The following COL25A1 variants were observed in gnomAD, a reference collection of about 807,000 sequenced individuals.
The protein encoded by COL25A1 is collagen alpha-1(XXV) chain.
COL25A1 carries 103 observed loss-of-function variants against 128.4 expected under a neutral mutation model. That is an observed-to-expected ratio of 0.80 (90% CI 0.68 to 0.94). The LOEUF is 0.94. COL25A1 is among the 40% of genes least tolerant of loss of function. The pLI is 0.00. For missense variants in COL25A1, 745 were observed against 840.0 expected, an observed-to-expected ratio of 0.89 and a Z score of 1.40; for synonymous variants, 279 against 277.2, an observed-to-expected ratio of 1.01 and a Z score of -0.06.
chr4:108,998,654 C>A (rs926219730), intron 6 of COL25A1, among the ~76,000 whole-genome samples: 21 of 152,248 alleles, frequency 1.4e-4, no homozygotes, highest in African/African-American at 4.8e-4. Flanking sequence ...CCTGCATAGC[C>A]AAGACAATCC....
intron 3 of COL25A1, among the ~76,000 whole-genome samples, chr4:109,063,228 G>C (rs983576947): frequency 2.6e-5 from 4 of 152,110 alleles, no homozygotes; most frequent in Non-Finnish European, 2.9e-5. Context: ...TCAATAAAAG[G>C]CTGGGTGCTC....
chr4:108,886,440 TTTTG>T (rs1478462091), intron 18 of COL25A1, among the ~76,000 whole-genome samples: 7 of 120,004 alleles, frequency 5.8e-5, no homozygotes, highest in African/African-American at 2.2e-4. Flanking sequence ...TGCTATGAGA[TTTTG>T]TGTGTGTGTG....
chr4:109,211,791 C>T (rs1251473954), intron 3 of COL25A1, among the ~76,000 whole-genome samples: 1 of 151,956 alleles, frequency 6.6e-6, no homozygotes, highest in Non-Finnish European at 1.5e-5. Flanking sequence ...CTAAGGAACC[C>T]AAAGATCCAA....
At chr4:109,069,852 A>G (rs1029187214) in intron 3 of COL25A1, among the ~76,000 whole-genome samples, 2 of 152,216 alleles carry the variant, frequency 1.3e-5, no homozygotes, top group Non-Finnish European at 2.9e-5. Flanking sequence ...TTATTCATAT[A>G]TGAAATAAGC....
intron 11 of COL25A1, among the ~76,000 whole-genome samples, chr4:108,927,336 T>C (rs1485750853): frequency 6.6e-6 from 1 of 152,186 alleles, no homozygotes; most frequent in East Asian, 1.9e-4. Context: ...ATATTTCACA[T>C]CGTCAGCACC....
intron 31 of COL25A1, chr4:108,838,231 G>T: frequency 8.0e-7 from 1 of 1,249,544 alleles, no homozygotes; most frequent in Non-Finnish European, 1.1e-6. Context: ...TGTTTAAACT[G>T]TGAGAGAAGA....
intron 3 of COL25A1, among the ~76,000 whole-genome samples, chr4:109,207,501 T>A (rs1777110480): frequency 6.6e-6 from 1 of 152,188 alleles, no homozygotes; most frequent in South Asian, 2.1e-4. Flanking sequence ...ACACTTAAGA[T>A]ATAGCTCGGG....
At chr4:109,200,211 G>A (rs1217097676) in intron 3 of COL25A1, among the ~76,000 whole-genome samples, 1 of 152,154 alleles carries the variant, frequency 6.6e-6, no homozygotes, top group Non-Finnish European at 1.5e-5. Context: ...ACAACAATCA[G>A]ATGTGCTCAA....
intron 20 of COL25A1, among the ~76,000 whole-genome samples, chr4:108,866,009 C>T (rs953386825): frequency 6.6e-6 from 1 of 152,180 alleles, no homozygotes; most frequent in African/African-American, 2.4e-5. Context: ...ACTTCTTTCC[C>T]TCCTTCCATC....
At chr4:109,249,402 C>T (rs983335173) in intron 3 of COL25A1, among the ~76,000 whole-genome samples, 1 of 143,328 alleles carries the variant, frequency 7.0e-6, no homozygotes, top group Admixed American at 6.9e-5. Context: ...GAACTACCTG[C>T]TGTCCACCTT....
chr4:109,090,098 T>A (rs4245932), intron 3 of COL25A1, among the ~76,000 whole-genome samples: 60,354 of 151,978 alleles, frequency 0.4, 14,591 homozygotes, highest in Non-Finnish European at 0.56. Flanking sequence ...AATAGAAATG[T>A]AATACATGTA....
chr4:109,143,476 C>T (rs1443438911), intron 3 of COL25A1, among the ~76,000 whole-genome samples: 1 of 152,194 alleles, frequency 6.6e-6, no homozygotes, highest in Non-Finnish European at 1.5e-5. Context: ...GGGAAGTTCT[C>T]CTGGATAATA....
At chr4:109,099,536 A>C (rs1004503914) in intron 3 of COL25A1, among the ~76,000 whole-genome samples, 1 of 152,076 alleles carries the variant, frequency 6.6e-6, no homozygotes, top group African/African-American at 2.4e-5. Flanking sequence ...AAAAAATAGA[A>C]TTATGGAACT....
At chr4:108,871,866 C>CT (rs1738757903) in intron 19 of COL25A1, among the ~76,000 whole-genome samples, 1 of 152,014 alleles carries the variant, frequency 6.6e-6, no homozygotes, top group African/African-American at 2.4e-5. Context: ...TTATTGTTCC[C>CT]TTTTTTCTCT....
At position 108,885,956 on chromosome 4, in the gene COL25A1, C is replaced by T. The variant is rs75904283; in HGVS notation, c.976-1734G>A. 2.5e-3 allele frequency among the ~76,000 whole-genome samples: 387 copies of T among 152,236 alleles called. 4 individuals are homozygous for T. The highest frequency in any genetic ancestry group is 9.0e-3 in the African/African-American group (373 of 41,556). ...CTTTAAAGAAAGATATTTATTTAAACACGCATGCATACATAGACACACACC... is the reference window on the plus strand; with the variant it reads ...CTTTAAAGAAAGATATTTATTTAAATACGCATGCATACATAGACACACACC... On this transcript the variant is annotated intron_variant, in intron 18 of 37. Coordinates refer to ENST00000399132, the MANE Select transcript of COL25A1 (RefSeq NM_198721.4).
At chr4:108,920,465 C>T in intron 12 of COL25A1, 113 bp downstream of exon 12, 1 of 666,656 alleles carries the variant, frequency 1.5e-6, no homozygotes, top group Non-Finnish European at 2.4e-6. Context: ...AATACACAAA[C>T]CAGACTAACT....
chr4:108,918,373 G>T (rs1036649790), intron 12 of COL25A1, among the ~76,000 whole-genome samples, 157 bp from the exon 13 acceptor site: 1 of 152,296 alleles, frequency 6.6e-6, no homozygotes, highest in African/African-American at 2.4e-5. Flanking sequence ...AATGTAAGCA[G>T]ATTCCTCAAG....
intron 8 of COL25A1, among the ~76,000 whole-genome samples, chr4:108,952,048 T>A (rs148685327): frequency 1.4e-4 from 22 of 152,280 alleles, no homozygotes; most frequent in African/African-American, 5.3e-4. Flanking sequence ...AAGTTTTGAA[T>A]TTAAGGAAAT....
chr4:108,977,879 C>A (rs1351913972), intron 6 of COL25A1, among the ~76,000 whole-genome samples: 2 of 152,198 alleles, frequency 1.3e-5, no homozygotes, highest in African/African-American at 4.8e-5. Flanking sequence ...ATATCCACCC[C>A]CTTCCCAGGT....
Sources: gnomAD v4.1 joint callset for allele counts (sites outside exome capture counted in the v4.1 genomes callset) on GRCh38, gnomAD v4.1.1 for gene constraint, MANE v1.5 for transcripts, NCBI Gene and HGNC (gene_info 2026-07-23, HGNC 2026-07-21) for gene names.